RAB11FIP3: variants seen among roughly 807,000 people sequenced by gnomAD.
The protein encoded by RAB11FIP3 is rab11 family-interacting protein 3.
In RAB11FIP3, 17 loss-of-function variants were observed where a neutral mutation model predicts 77.8. That is an observed-to-expected ratio of 0.22 (90% CI 0.15 to 0.33). The LOEUF (loss-of-function observed/expected upper bound fraction) is 0.33, where lower values mean the gene tolerates loss of function less well. Ranked by LOEUF, RAB11FIP3 falls within the 10% of genes least tolerant of loss-of-function variation. The pLI, the probability that RAB11FIP3 is intolerant of heterozygous loss-of-function variation, is 1.00. For missense variants in RAB11FIP3, 1,005 were observed against 1,011.2 expected, an observed-to-expected ratio of 0.99 and a Z score of 0.08; for synonymous variants, 437 against 448.2, an observed-to-expected ratio of 0.98 and a Z score of 0.31.
At chr16:463,558 C>G (rs1194802510) in intron 2 of RAB11FIP3, among the ~76,000 whole-genome samples, 2 of 151,580 alleles carry the variant, frequency 1.3e-5, no homozygotes, top group African/African-American at 4.8e-5. Context: ...CCTGCCTCAG[C>G]CTCCCGAGTA....
At chr16:432,606 G>T (rs1443738690) in intron 1 of RAB11FIP3, among the ~76,000 whole-genome samples, 1,659 of 70,888 alleles carry the variant, frequency 0.023, 8 homozygotes, top group African/African-American at 0.073. Flanking sequence ...TTTTTTTTGT[G>T]TGTGTGTGTG....
At chr16:501,676 C>A (rs1300754057) in intron 6 of RAB11FIP3, among the ~76,000 whole-genome samples, 3 of 148,144 alleles carry the variant, frequency 2.0e-5, no homozygotes, top group African/African-American at 7.6e-5. Context: ...GAGGCTCCCC[C>A]CATTTCATAG....
Position 442,089 on chromosome 16 carries a change from G to A in RAB11FIP3, c.714+15369G>A, listed in dbSNP as rs544765034. ...CCTGACCTCGTGATCCGCCCACTTC[G>A]GCCTCCCAAAGTGCTGGGATTACAG... On this transcript the variant is annotated intron_variant, in intron 1 of 13. Coordinates refer to ENST00000262305, the MANE Select transcript of RAB11FIP3 (RefSeq NM_014700.4). 4.6e-5 allele frequency among the ~76,000 whole-genome samples: 7 copies of A among 152,180 alleles called. No homozygotes were observed. In the East Asian group the frequency reaches 1.2e-3, roughly 25 times the overall value.
rs906042381 is a variant in RAB11FIP3, at chr16:450,409, C to G, written c.715-10995C>G. Among the ~76,000 whole-genome samples the G allele has an allele frequency of 2.0e-5, 3 of 152,176 alleles. No homozygotes were observed. In the East Asian group the frequency reaches 5.8e-4, roughly 29 times the overall value. On this transcript the variant is annotated intron_variant, in intron 1 of 13. Coordinates refer to ENST00000262305, the MANE Select transcript of RAB11FIP3 (RefSeq NM_014700.4). ...CTGTGGTGCCCAGGTCAGTTTCGAA[C>G]TCCTGACCTCAAGTGATCCCCTGGC...
chr16:497,533 C>A, intron 6 of RAB11FIP3: 1 of 1,101,478 alleles, frequency 9.1e-7, no homozygotes, highest in Non-Finnish European at 1.2e-6. Context: ...TGGGAGACGC[C>A]TCTCCAGCTT....
chr16:518,829 G>A, intron 9 of RAB11FIP3, 114 bp from the exon 10 acceptor site: 1 of 989,334 alleles, frequency 1.0e-6, no homozygotes. Flanking sequence ...GTCGTTTGGG[G>A]GCGTCTGTTG....
intron 1 of RAB11FIP3, among the ~76,000 whole-genome samples, chr16:449,349 C>A (rs1001693941): frequency 6.6e-6 from 1 of 152,174 alleles, no homozygotes; most frequent in South Asian, 2.1e-4. Flanking sequence ...ACTGAGGACC[C>A]TGTTTGCTGG....
At chr16:512,601 T>C (rs1276679461) in intron 9 of RAB11FIP3, among the ~76,000 whole-genome samples, 2 of 141,560 alleles carry the variant, frequency 1.4e-5, no homozygotes, top group African/African-American at 5.3e-5. Context: ...TAGAGTGCAG[T>C]GGGGCGATCT....
intron 9 of RAB11FIP3, 51 bp downstream of exon 9, chr16:510,851 G>A (rs1220937790): frequency 1.3e-6 from 2 of 1,592,542 alleles, no homozygotes; most frequent in South Asian, 1.1e-5. Context: ...GGCCAGGTAG[G>A]AGACGGTCCC....
At chr16:489,571 C>G (rs1158083010) in intron 5 of RAB11FIP3, among the ~76,000 whole-genome samples, 2 of 152,142 alleles carry the variant, frequency 1.3e-5, no homozygotes, top group Non-Finnish European at 2.9e-5. Flanking sequence ...GTCAGTCCCT[C>G]TAGGACGCTC....
At chr16:481,339 C>T (rs935424253) in intron 3 of RAB11FIP3, among the ~76,000 whole-genome samples, 17 of 151,880 alleles carry the variant, frequency 1.1e-4, no homozygotes, top group African/African-American at 3.9e-4. Context: ...GGTGAAACCC[C>T]GTCTCTACTA....
Position 496,863 on chromosome 16 carries a change from G to T in RAB11FIP3, c.1301+4G>T. 6.3e-7 allele frequency: 1 copy of T among 1,581,442 alleles called. No individual in the cohort carries two copies. Among genetic ancestry groups the T allele is most frequent in the Non-Finnish European group, 8.7e-7 (1 of 1,150,482 alleles). On this transcript the variant is annotated splice_donor_region_variant and intron_variant, in intron 6 of 13. Coordinates refer to ENST00000262305, the MANE Select transcript of RAB11FIP3 (RefSeq NM_014700.4). ...TCTCCAGCAAGAAGGTGGCAAGGTA[G>T]GTGGGTCTCTGGTTCCTGCTGAAAA...
intron 5 of RAB11FIP3, among the ~76,000 whole-genome samples, chr16:494,298 A>C (rs1255936390): frequency 1.3e-5 from 2 of 151,298 alleles, no homozygotes; most frequent in Admixed American, 1.3e-4. Flanking sequence ...TATTAGTTCT[A>C]GGGAGTCTCA....
chr16:456,779 A>C (rs1457205848), intron 1 of RAB11FIP3, among the ~76,000 whole-genome samples: 1 of 152,154 alleles, frequency 6.6e-6, no homozygotes, highest in African/African-American at 2.4e-5. Flanking sequence ...AAAAACCAAC[A>C]AAAAAACAAC....
At chr16:480,226 A>C (rs988806785) in intron 3 of RAB11FIP3, among the ~76,000 whole-genome samples, 2 of 137,854 alleles carry the variant, frequency 1.5e-5, no homozygotes, top group South Asian at 2.4e-4. Context: ...TGTAGGTTGC[A>C]GTGACTGGAG....
In RAB11FIP3 at chr16:514,725, C is replaced by G. The variant is rs958399235; in HGVS notation, c.1640+3925C>G. Among the ~76,000 whole-genome samples the G allele has an allele frequency of 6.6e-6, 1 of 152,196 alleles. No homozygotes were observed. Among genetic ancestry groups the G allele is most frequent in the Non-Finnish European group, 1.5e-5 (1 of 68,024 alleles). ...CCTCTGGGAGTGGGGCCCCCAGGGG[C>G]TTCCAGAAAGTATGGGAGCCCCTGG... On this transcript the variant is annotated intron_variant, in intron 9 of 13. Transcript: ENST00000262305. The surrounding 1 kb of genome is among the most constrained non-coding windows in gnomAD (Gnocchi z 4.6).
rs1022379478 is a variant in RAB11FIP3, at chr16:522,594, C to T, written c.*1755C>T. 7 of 152,208 alleles carry T rather than the reference C, an allele frequency of 4.6e-5. No homozygotes were observed. Among genetic ancestry groups the T allele is most frequent in the African/African-American group, 1.7e-4 (7 of 41,462 alleles). 9.4% of individuals were successfully genotyped at this position (152,208 alleles called of 1,614,324 possible). A position where few individuals can be genotyped will look rare whatever the true frequency, so the allele number is the denominator to read the frequency against. On this transcript the variant is annotated 3_prime_UTR_variant, in exon 14 of 14. Coordinates refer to ENST00000262305, the MANE Select transcript of RAB11FIP3 (RefSeq NM_014700.4). ...GGCCATCAGTTGTCTGAGCTCAGAA[C>T]CCAGCAGACCTGCCTGGCTCTGCAG...
chr16:445,439 CAAAAT>C (rs1295783876), intron 1 of RAB11FIP3, among the ~76,000 whole-genome samples: 19 of 150,438 alleles, frequency 1.3e-4, no homozygotes, highest in East Asian at 3.9e-4. Flanking sequence ...ACTCTTGTCT[CAAAAT>C]AAAAATAAAA....
At chr16:466,850 T>TG (rs2055709146) in intron 2 of RAB11FIP3, among the ~76,000 whole-genome samples, 1 of 152,158 alleles carries the variant, frequency 6.6e-6, no homozygotes, top group Non-Finnish European at 1.5e-5. Context: ...GGAGGGCTCC[T>TG]GCGCCTGTCT....
Sources: gnomAD v4.1 joint callset for allele counts (sites outside exome capture counted in the v4.1 genomes callset) on GRCh38, gnomAD v4.1.1 for gene constraint, Gnocchi (gnomAD v3.1) non-coding constraint, MANE v1.5 for transcripts, NCBI Gene and HGNC (gene_info 2026-07-23, HGNC 2026-07-21) for gene names.